Variants in EPB41L2 observed in about 807,000 individuals in gnomAD.
EPB41L2 encodes the protein band 4.1-like protein 2.
In EPB41L2, 43 loss-of-function variants were observed where a neutral mutation model predicts 113.0. The ratio of observed to expected loss-of-function variants is 0.38; its 90% CI spans 0.30 to 0.49. EPB41L2 has a LOEUF of 0.49. Ranked by LOEUF, EPB41L2 falls within the 20% of genes least tolerant of loss-of-function variation. EPB41L2 has a pLI of 0.95. For synonymous variants in EPB41L2, 442 were observed against 436.7 expected, an observed-to-expected ratio of 1.01 and a Z score of -0.15; for missense variants, 1,147 against 1,223.4, an observed-to-expected ratio of 0.94 and a Z score of 0.93.
chr6:130,956,464 CAG>C lies in EPB41L2; in HGVS notation c.20_21del (p.Ser7CysfsTer3). 3 of 1,613,632 alleles carry C rather than the reference CAG, an allele frequency of 1.9e-6. No homozygotes were observed. The highest frequency in any genetic ancestry group is 2.5e-6 in the Non-Finnish European group (3 of 1,179,958). ...CTAGAGTCCTTCTTCACTTCAGACA[CAG>C]AGCCTACTTCAGTAGTCATGGCCAC... MTTEVG[S>X]VSEVKKDSSQ... On this transcript the variant is annotated frameshift_variant, in exon 2 of 20. Coordinates refer to ENST00000337057, the MANE Select transcript of EPB41L2 (RefSeq NM_001431.4). LOFTEE classifies it high-confidence loss of function.
chr6:131,030,969 G>A (rs1403909078), intron 1 of EPB41L2, among the ~76,000 whole-genome samples: 2 of 151,844 alleles, frequency 1.3e-5, no homozygotes, highest in African/African-American at 4.8e-5. Flanking sequence ...GCACGCACCA[G>A]TAGTCCCAGC....
intron 1 of EPB41L2, among the ~76,000 whole-genome samples, chr6:131,024,126 G>GGTGA (rs1562755062): frequency 2.6e-5 from 4 of 152,216 alleles, no homozygotes; most frequent in South Asian, 2.1e-4. Context: ...ATGCTGTAAG[G>GGTGA]GTGAGGGCAG....
intron 5 of EPB41L2, among the ~76,000 whole-genome samples, 170 bp from the exon 6 acceptor site, chr6:130,904,710 TAAAA>T (rs1020910891): frequency 6.6e-6 from 1 of 151,904 alleles, no homozygotes; most frequent in East Asian, 1.9e-4. Context: ...AAAAATGAAA[TAAAA>T]AATAAAATAG....
At chr6:130,901,246 T>C in intron 6 of EPB41L2, 66 bp from the exon 7 acceptor site, 6 of 1,435,844 alleles carry the variant, frequency 4.2e-6, no homozygotes, top group Non-Finnish European at 5.8e-6. Flanking sequence ...GCACTCACAG[T>C]CCTTAAAAGC....
At chr6:130,890,027 TTTCA>T (rs1792271490) in intron 11 of EPB41L2, among the ~76,000 whole-genome samples, 3 of 152,230 alleles carry the variant, frequency 2.0e-5, no homozygotes, top group African/African-American at 7.2e-5. Flanking sequence ...TTTTGGAGCA[TTTCA>T]GATTTTGAGA....
At position 130,955,092 on chromosome 6, in the gene EPB41L2, C is replaced by G. The variant is rs1462073660; in HGVS notation, c.705+13G>C. ...ACATATCAAGCTAGCTCTCACTCAG[C>G]TCCCTATCTCACCTCCAGGTCACAG... On this transcript the variant is annotated intron_variant, in intron 3 of 19. Coordinates refer to ENST00000337057, the MANE Select transcript of EPB41L2 (RefSeq NM_001431.4). 2 of 1,611,894 alleles carry G rather than the reference C, an allele frequency of 1.2e-6. No homozygotes were observed. The highest frequency in any genetic ancestry group is 2.2e-5 in the South Asian group (2 of 90,974).
chr6:130,841,699 G>C (rs970135260), intron 19 of EPB41L2, among the ~76,000 whole-genome samples: 1 of 152,192 alleles, frequency 6.6e-6, no homozygotes, highest in African/African-American at 2.4e-5. Flanking sequence ...GTATAAGACA[G>C]GATGATAAGG....
At chr6:131,038,941 T>C (rs932563317) in intron 1 of EPB41L2, among the ~76,000 whole-genome samples, 6 of 152,236 alleles carry the variant, frequency 3.9e-5, no homozygotes, top group Non-Finnish European at 8.8e-5. Context: ...CATTAAACTC[T>C]ACATTAAGAA....
In EPB41L2 at chr6:130,890,466, C is replaced by A; in HGVS notation, c.1488G>T (p.Arg496Ser). 4 of 1,524,130 alleles carry A rather than the reference C, an allele frequency of 2.6e-6. No individual in the cohort carries two copies. Among genetic ancestry groups the A allele is most frequent in the African/African-American group, 3.2e-5 (2 of 61,604 alleles). 94.4% of individuals were successfully genotyped at this position (1,524,130 alleles called of 1,614,324 possible). ...KVCVEHHTFY[R>S]LVSPEQPPKA... is the part of the protein sequence containing the mutation. ...TTGGTGGCTGCTCTGGAGAAACAAG[C>A]CTATGGGAGGAAAAAAAAAAAAAAA... Residue 496 changes from arginine (R) to serine (S), a missense_variant and splice_region_variant, in exon 11 of 20, where the codon AGG becomes AGT. Coordinates refer to ENST00000337057, the MANE Select transcript of EPB41L2 (RefSeq NM_001431.4).
At chr6:130,994,205 C>A (rs1200506355) in intron 1 of EPB41L2, among the ~76,000 whole-genome samples, 1 of 152,092 alleles carries the variant, frequency 6.6e-6, no homozygotes, top group Non-Finnish European at 1.5e-5. Context: ...AGTAATGTAG[C>A]CCCTTTTCCA....
At chr6:130,893,418 T>C (rs1316085818) in intron 10 of EPB41L2, among the ~76,000 whole-genome samples, 2 of 152,044 alleles carry the variant, frequency 1.3e-5, no homozygotes, top group African/African-American at 4.8e-5. Flanking sequence ...CCAAGAACAC[T>C]CATGCACAGC....
chr6:131,024,883 T>C (rs1790496887), intron 1 of EPB41L2, among the ~76,000 whole-genome samples: 1 of 152,212 alleles, frequency 6.6e-6, no homozygotes, highest in Non-Finnish European at 1.5e-5. Flanking sequence ...ATCTTCTCTT[T>C]AATACACTTT....
intron 1 of EPB41L2, among the ~76,000 whole-genome samples, chr6:130,968,497 C>T (rs1775914171): frequency 6.6e-6 from 1 of 152,194 alleles, no homozygotes; most frequent in African/African-American, 2.4e-5. Context: ...AAGAGTTCTA[C>T]CAATACATAG....
chr6:131,012,805 C>T (rs748134429), intron 1 of EPB41L2, among the ~76,000 whole-genome samples: 23 of 152,216 alleles, frequency 1.5e-4, no homozygotes, highest in African/African-American at 2.2e-4. Flanking sequence ...TCAGGCATGG[C>T]GGAAGTGCAA....
intron 1 of EPB41L2, among the ~76,000 whole-genome samples, chr6:130,965,757 T>G (rs1249063437): frequency 6.6e-6 from 1 of 151,920 alleles, no homozygotes; most frequent in Admixed American, 6.6e-5. Context: ...AATGGAGACA[T>G]CCAAAAGTTT....
At chr6:130,856,709 C>T (rs1470268833) in intron 19 of EPB41L2, among the ~76,000 whole-genome samples, 2 of 152,192 alleles carry the variant, frequency 1.3e-5, no homozygotes, top group African/African-American at 4.8e-5. Flanking sequence ...GTTCAACATA[C>T]AGATTATTTT....
chr6:130,848,846 C>G (rs901729944), intron 19 of EPB41L2, among the ~76,000 whole-genome samples: 1 of 152,240 alleles, frequency 6.6e-6, no homozygotes, highest in Admixed American at 6.5e-5. Context: ...AACAGAAAAG[C>G]CTTGAGATAA....
At chr6:131,057,290 C>A (rs1347722352) in intron 1 of EPB41L2, among the ~76,000 whole-genome samples, 1 of 152,144 alleles carries the variant, frequency 6.6e-6, no homozygotes, top group Non-Finnish European at 1.5e-5. Context: ...GAACACAATA[C>A]CTCACTTACA....
At chr6:130,923,318 C>T (rs1203489657) in intron 4 of EPB41L2, among the ~76,000 whole-genome samples, 4 of 152,210 alleles carry the variant, frequency 2.6e-5, no homozygotes, top group African/African-American at 7.2e-5. Flanking sequence ...CAAAACTGGT[C>T]ATCTCATATC....
Sources: allele counts gnomAD v4.1 joint callset (sites outside exome capture counted in the v4.1 genomes callset), GRCh38; gene constraint gnomAD v4.1.1; transcripts MANE v1.5; gene names NCBI Gene and HGNC (gene_info 2026-07-23, HGNC 2026-07-21).